JMJD1C: variants seen among roughly 807,000 people sequenced by gnomAD.
The protein encoded by JMJD1C is jumonji domain containing 1C, also known as jumonji domain-containing protein 1C.
Under a neutral mutation model 245.3 loss-of-function variants are expected in JMJD1C, and 31 were observed. The observed-to-expected ratio is 0.13, with a 90% confidence interval of 0.09 to 0.17. JMJD1C has a LOEUF of 0.17. JMJD1C is among the 10% of genes least tolerant of loss of function. The pLI is 1.00. For missense variants in JMJD1C, 2,691 were observed against 3,000.2 expected, an observed-to-expected ratio of 0.90 and a Z score of 2.41; for synonymous variants, 1,057 against 1,017.4, an observed-to-expected ratio of 1.04 and a Z score of -0.74.
intron 2 of JMJD1C, among the ~76,000 whole-genome samples, chr10:63,348,724 C>T (rs75230052): frequency 0.037 from 5,609 of 152,254 alleles, 336 homozygotes; most frequent in East Asian, 0.29. Context: ...GTGTTTGGGT[C>T]ATGGGGACGT....
chr10:63,257,287 A>T (rs1270479247), intron 3 of JMJD1C, among the ~76,000 whole-genome samples: 5 of 152,048 alleles, frequency 3.3e-5, no homozygotes, highest in Non-Finnish European at 7.4e-5. Context: ...AGTGCTGAGT[A>T]AGTACCATTA....
chr10:63,184,835 C>A (rs1843927992), intron 20 of JMJD1C, 97 bp from the exon 21 acceptor site: 1 of 1,137,496 alleles, frequency 8.8e-7, no homozygotes, highest in African/African-American at 1.6e-5. Flanking sequence ...CAGCAGACTA[C>A]CTTTCCATAA....
chr10:63,265,657 C>A (rs563973875), intron 2 of JMJD1C, among the ~76,000 whole-genome samples: 1 of 152,130 alleles, frequency 6.6e-6, no homozygotes, highest in Admixed American at 6.5e-5. Flanking sequence ...AAACAAAATT[C>A]CACCATTTTA....
intron 1 of JMJD1C, among the ~76,000 whole-genome samples, chr10:63,492,404 G>A (rs549961961): frequency 2.6e-5 from 4 of 152,298 alleles, no homozygotes; most frequent in Non-Finnish European, 4.4e-5. Flanking sequence ...AGTGACTCAC[G>A]CCTGTAATCC....
chr10:63,471,765 T>A (rs1953498311), intron 1 of JMJD1C, among the ~76,000 whole-genome samples: 1 of 152,152 alleles, frequency 6.6e-6, no homozygotes. Flanking sequence ...AGGTCAGGCA[T>A]GGTAGCTCTC....
intron 1 of JMJD1C, among the ~76,000 whole-genome samples, chr10:63,505,824 C>CCCA (rs1313627257): frequency 3.2e-4 from 38 of 118,520 alleles, no homozygotes; most frequent in African/African-American, 1.2e-3. Context: ...CCCCACAGTA[C>CCCA]CCACCCCCCA....
chr10:63,384,586 G>A (rs1441182381), intron 1 of JMJD1C, among the ~76,000 whole-genome samples: 2 of 152,100 alleles, frequency 1.3e-5, no homozygotes, highest in African/African-American at 4.8e-5. Context: ...TCAACAGTGG[G>A]CTTAAAATAT....
At chr10:63,204,140 AAAAAAAAACTTTTCT>A (rs1397584736) in intron 10 of JMJD1C, 1 of 980,818 alleles carries the variant, frequency 1.0e-6, no homozygotes, top group Non-Finnish European at 1.2e-6. Flanking sequence ...ATATTTAAGA[AAAAAAAAACTTTTCT>A]AGGTAGCCTA....
At chr10:63,404,303 A>G (rs1368652244) in intron 1 of JMJD1C, among the ~76,000 whole-genome samples, 4 of 152,330 alleles carry the variant, frequency 2.6e-5, no homozygotes, top group Admixed American at 2.6e-4. Flanking sequence ...GGCCAGTCTC[A>G]TTTCAAAACA....
chr10:63,212,445 A>AT (rs1388030087), intron 8 of JMJD1C, among the ~76,000 whole-genome samples: 3 of 152,136 alleles, frequency 2.0e-5, no homozygotes, highest in Admixed American at 1.3e-4. Flanking sequence ...CAATTTTTCC[A>AT]TTTTTTATAC....
Position 63,370,866 on chromosome 10 carries a change from T to C in JMJD1C, c.333+9452A>G, listed in dbSNP as rs368385012. Among the ~76,000 whole-genome samples the C allele has an allele frequency of 2.0e-5, 3 of 152,326 alleles. No individual in the cohort carries two copies. In the East Asian group the frequency reaches 5.8e-4, roughly 29 times the overall value. On this transcript the variant is annotated intron_variant, in intron 2 of 25. Transcript: ENST00000399262. The stretch of plus-strand genomic sequence containing the variant: ...AATATAAAATACTGAATAACATCAT[T>C]ATATGAAATTTCCAATTTGCTAGGA...
At chr10:63,479,100 C>A (rs1266828810) in intron 1 of JMJD1C, among the ~76,000 whole-genome samples, 3 of 152,092 alleles carry the variant, frequency 2.0e-5, no homozygotes, top group African/African-American at 7.2e-5. Context: ...AATTTTCTTT[C>A]TATGTAGGCT....
intron 2 of JMJD1C, among the ~76,000 whole-genome samples, chr10:63,342,855 C>A (rs544421327): frequency 6.6e-6 from 1 of 152,222 alleles, no homozygotes; most frequent in East Asian, 1.9e-4. Context: ...TTGTTTAATG[C>A]ACACCATTAT....
chr10:63,232,284 A>T (rs1323024983), intron 3 of JMJD1C, among the ~76,000 whole-genome samples: 3 of 151,986 alleles, frequency 2.0e-5, no homozygotes, highest in Admixed American at 2.0e-4. Context: ...AGTTGTCCTG[A>T]TTAAAAAACC....
At chr10:63,390,097 C>G (rs1947933390) in intron 1 of JMJD1C, among the ~76,000 whole-genome samples, 1 of 152,050 alleles carries the variant, frequency 6.6e-6, no homozygotes, top group African/African-American at 2.4e-5. Flanking sequence ...AAATGAAAAA[C>G]TGTTTTTTGA....
Position 63,191,043 on chromosome 10 carries a change from G to C in JMJD1C, c.6142C>G (p.Pro2048Ala). Reference sequence around the variant, plus strand: ...ACAAGAGGTGATGTTCTGCCATTTGGAGATTCAGAGTTGTCTTGTTCTCTT... The same window carrying C: ...ACAAGAGGTGATGTTCTGCCATTTGCAGATTCAGAGTTGTCTTGTTCTCTT... ...EEREQDNSES[P>A]NGRTSPLVSQ... Residue 2048 changes from proline (P) to alanine (A), a missense_variant, in exon 17 of 26, where the codon CCA (proline) becomes GCA (alanine). Physicochemically the swap from Pro to Ala is conservative, Grantham distance 27. Around this residue, in one of 9 missense-constraint regions of JMJD1C, gnomAD observed 275 missense variants for 285.5 expected, o/e 0.96. Transcript: ENST00000399262. 6.2e-7 allele frequency: 1 copy of C among 1,614,186 alleles called. No homozygotes were observed. Among genetic ancestry groups the C allele is most frequent in the Non-Finnish European group, 8.5e-7 (1 of 1,179,986 alleles).
intron 3 of JMJD1C, among the ~76,000 whole-genome samples, chr10:63,243,644 C>A (rs573044342): frequency 4.0e-5 from 6 of 151,514 alleles, no homozygotes; most frequent in Admixed American, 6.6e-5. Flanking sequence ...GTACCACCAG[C>A]CAAATTAAAT....
chr10:63,245,625 G>A (rs1852109362), intron 3 of JMJD1C, among the ~76,000 whole-genome samples: 1 of 151,892 alleles, frequency 6.6e-6, no homozygotes, highest in Non-Finnish European at 1.5e-5. Context: ...TGGGATTACA[G>A]GCACCTGCCA....
intron 2 of JMJD1C, among the ~76,000 whole-genome samples, chr10:63,285,554 G>A (rs966069466): frequency 6.6e-6 from 1 of 152,124 alleles, no homozygotes; most frequent in Admixed American, 6.6e-5. Context: ...CAGAGTGGCT[G>A]AAGCCTCCAA....
Sources: allele counts gnomAD v4.1 joint callset (sites outside exome capture counted in the v4.1 genomes callset), GRCh38; gene constraint gnomAD v4.1.1; regional missense constraint gnomAD v4.1.1; transcripts MANE v1.5; gene names NCBI Gene and HGNC (gene_info 2026-07-23, HGNC 2026-07-21).